KNG1: variants seen among roughly 807,000 people sequenced by gnomAD.
The protein encoded by KNG1 is kininogen 1.
In KNG1, 23 loss-of-function variants were observed where a neutral mutation model predicts 47.8. The ratio of observed to expected loss-of-function variants is 0.48; its 90% CI spans 0.35 to 0.68. The LOEUF is 0.68. Ranked by LOEUF, KNG1 falls within the 30% of genes least tolerant of loss-of-function variation. The pLI is 0.01. For missense variants in KNG1, 762 were observed against 790.2 expected (o/e 0.96, Z 0.43); for synonymous variants, 277 against 277.0 (o/e 1.00, Z 0.00).
chr3:186,722,499 C>T lies in KNG1; in HGVS notation c.369C>T (p.Thr123=), dbSNP rs942534702. The T allele has an allele frequency of 6.2e-6, 10 of 1,613,726 alleles. No homozygotes were observed. Among genetic ancestry groups the T allele is most frequent in the Admixed American group, 3.3e-5 (2 of 60,000 alleles). ...GCAGTACGAAATTCTCCGTGGCTAC[C>T]CAGACCTGCCAGATTACTCCAGGTG... ...KRSSTKFSVA[T]QTCQITPAEG... Residue 123 remains threonine, a synonymous_variant, in exon 3 of 10, where the codon ACC becomes ACT. Coordinates refer to ENST00000644859, the MANE Select transcript of KNG1 (RefSeq NM_001102416.3).
In KNG1 at chr3:186,744,274, A is replaced by T. The variant is rs937115865; in HGVS notation, c.*1943A>T. 3.7e-5 allele frequency: 6 copies of T among 160,984 alleles called. No homozygotes were observed. Among genetic ancestry groups the T allele is most frequent in the East Asian group, 1.7e-4 (1 of 5,906 alleles). The allele number at this position is 160,984 out of a possible 1,614,324, so 10.0% of individuals were successfully genotyped here. ...CCAGTTAATTACCAAAAATATTTTT[A>T]AAATCATCTCTGTTAATAGAATGTC... On this transcript the variant is annotated 3_prime_UTR_variant, in exon 10 of 10. Transcript: ENST00000644859.
chr3:186,739,378 A>T lies in KNG1; in HGVS notation c.1089A>T (p.Lys363Asn), dbSNP rs1266655076. Residue 363 changes from lysine (K) to asparagine (N), a missense_variant, in exon 9 of 10, where the codon AAA becomes AAT. Coordinates refer to ENST00000644859, the MANE Select transcript of KNG1 (RefSeq NM_001102416.3). ...TTTATGTGGTACCCTGGGAGAAAAA[A>T]ATTTACCCTACTGTCAACTGTCAAC... is the stretch of plus-strand genomic sequence containing the variant. Reference protein sequence around the residue: ...AEVYVVPWEKKIYPTVNCQPL... With the variant: ...AEVYVVPWEKNIYPTVNCQPL... The T allele has an allele frequency of 6.2e-7, 1 of 1,613,860 alleles. No individual in the cohort carries two copies. The highest frequency in any genetic ancestry group is 8.5e-7 in the Non-Finnish European group (1 of 1,179,704).
intron 8 of KNG1, 21 bp from the exon 9 acceptor site, chr3:186,739,307 G>C: frequency 6.2e-7 from 1 of 1,604,922 alleles, no homozygotes. Context: ...TCTCTCTTTC[G>C]ACTTCTGTTT....
At chr3:186,735,801 G>T (rs1260789125) in intron 7 of KNG1, 2 of 152,002 alleles carry the variant, frequency 1.3e-5, no homozygotes, top group Admixed American at 1.3e-4. Flanking sequence ...GACCCTTTGG[G>T]CAACAGAGCA....
At chr3:186,738,750 G>A in intron 7 of KNG1, 3 of 280,202 alleles carry the variant, frequency 1.1e-5, no homozygotes, top group Non-Finnish European at 2.1e-5. Flanking sequence ...GGAGGCTGAG[G>A]CAGGAGAATT....
intron 7 of KNG1, 123 bp from the exon 8 acceptor site, chr3:186,738,976 T>C: frequency 1.2e-6 from 1 of 804,820 alleles, no homozygotes; most frequent in Non-Finnish European, 2.1e-6. Context: ...TGTACTTTTT[T>C]GTATGTAACT....
Position 186,732,671 on chromosome 3 carries a change from A to G in KNG1, c.927A>G (p.Val309=). 2 of 1,612,432 alleles carry G rather than the reference A, an allele frequency of 1.2e-6. No homozygotes were observed. Residue 309 remains valine, a synonymous_variant, in exon 7 of 10, where the codon GTA becomes GTG. Transcript: ENST00000644859. ...FKIDNVKKAR[V]QVVAGKKYFI... The stretch of plus-strand genomic sequence containing the variant: ...TTGACAATGTGAAAAAAGCAAGAGT[A>G]CAGGTGTGTAAACTATACTACAAAA...
At chr3:186,719,969 GAAATAT>G in intron 1 of KNG1, 130 bp from the exon 2 acceptor site, 1 of 703,592 alleles carries the variant, frequency 1.4e-6, no homozygotes, top group Admixed American at 2.0e-5. Flanking sequence ...GTTTATGATA[GAAATAT>G]AAATATATTT....
intron 5 of KNG1, among the ~76,000 whole-genome samples, chr3:186,729,383 T>C (rs948442800): frequency 6.6e-6 from 1 of 152,234 alleles, no homozygotes; most frequent in African/African-American, 2.4e-5. Context: ...TGAATTTCTA[T>C]AGCAGCAAAA....
At position 186,741,875 on chromosome 3, in the gene KNG1, T is replaced by C. The variant is rs1720823011; in HGVS notation, c.1479T>C (p.His493=). 4 of 1,613,756 alleles carry C rather than the reference T, an allele frequency of 2.5e-6. No homozygotes were observed. The highest frequency in any genetic ancestry group is 3.4e-6 in the Non-Finnish European group (4 of 1,179,920). Residue 493 remains histidine (H), a synonymous_variant, in exon 10 of 10, where the codon CAT becomes CAC. Coordinates refer to ENST00000644859, the MANE Select transcript of KNG1 (RefSeq NM_001102416.3). The stretch of plus-strand genomic sequence containing the variant: ...ACCAAGGGGGCCATGTCCTTGACCA[T>C]GGACATAAGCATAAGCATGGTCATG... ...LEHQGGHVLD[H]GHKHKHGHGH...
chr3:186,722,114 T>G, intron 2 of KNG1: 1 of 130,380 alleles, frequency 7.7e-6, no homozygotes. Context: ...CAACACTCTG[T>G]CTCAAAAAAA....
intron 5 of KNG1, among the ~76,000 whole-genome samples, chr3:186,727,621 G>A (rs1179848285): frequency 6.6e-6 from 1 of 151,982 alleles, no homozygotes; most frequent in Non-Finnish European, 1.5e-5. Flanking sequence ...CCCCAGGCTG[G>A]AGCACAGTGG....
intron 1 of KNG1, 80 bp downstream of exon 1, chr3:186,717,817 C>A: frequency 1.0e-6 from 1 of 970,020 alleles, no homozygotes; most frequent in Non-Finnish European, 1.6e-6. Flanking sequence ...CACACACACA[C>A]ATACCACCAC....
At chr3:186,726,663 A>G (rs563171089) in intron 4 of KNG1, among the ~76,000 whole-genome samples, 2 of 152,196 alleles carry the variant, frequency 1.3e-5, no homozygotes, top group East Asian at 3.9e-4. Context: ...CCCTTTGGTT[A>G]GTAACATTCT....
At chr3:186,735,440 A>G (rs1165057805) in intron 7 of KNG1, among the ~76,000 whole-genome samples, 4 of 152,134 alleles carry the variant, frequency 2.6e-5, no homozygotes, top group African/African-American at 9.7e-5. Context: ...CAACATGGTG[A>G]AAAACCATCT....
chr3:186,741,096 C>T (rs1720799884), intron 9 of KNG1, among the ~76,000 whole-genome samples: 1 of 151,956 alleles, frequency 6.6e-6, no homozygotes, highest in Admixed American at 6.6e-5. Context: ...TGGGTTCAAG[C>T]AATTCTCCTG....
At chr3:186,739,642 AGACT>A (rs1720756926) in intron 9 of KNG1, among the ~76,000 whole-genome samples, 1 of 152,334 alleles carries the variant, frequency 6.6e-6, no homozygotes, top group African/African-American at 2.4e-5. Flanking sequence ...AAGCTTCTAT[AGACT>A]CTCTCCTAGT....
chr3:186,739,438 G>T, intron 9 of KNG1, 24 bp downstream of exon 9: 1 of 1,454,804 alleles, frequency 6.9e-7, no homozygotes, highest in Non-Finnish European at 9.7e-7. Context: ...TACAGTCAGC[G>T]TGGGGTCAGT....
intron 3 of KNG1, among the ~76,000 whole-genome samples, chr3:186,723,743 G>A (rs546685167): frequency 1.4e-5 from 2 of 147,920 alleles, no homozygotes; most frequent in South Asian, 2.2e-4. Flanking sequence ...CAACCTCCCG[G>A]GTTCAAGCAA....
Sources: allele counts gnomAD v4.1 joint callset (sites outside exome capture counted in the v4.1 genomes callset), GRCh38; gene constraint gnomAD v4.1.1; transcripts MANE v1.5; gene names NCBI Gene and HGNC (gene_info 2026-07-23, HGNC 2026-07-21).